XKR4: variants seen among roughly 807,000 people sequenced by gnomAD.
The protein encoded by XKR4 is XK-related protein 4.
In XKR4, 12 loss-of-function variants were observed where a neutral mutation model predicts 53.9. That is an observed-to-expected ratio of 0.22 (90% confidence interval 0.14 to 0.36). XKR4 has a LOEUF of 0.36. Ranked by LOEUF, XKR4 falls within the 10% of genes least tolerant of loss-of-function variation. XKR4 has a pLI of 1.00. For missense variants in XKR4, 799 were observed against 859.5 expected (o/e 0.93, Z 0.88); for synonymous variants, 354 against 362.4 (o/e 0.98, Z 0.26).
chr8:55,230,132 G>A (rs4308711), intron 1 of XKR4, among the ~76,000 whole-genome samples: 119,443 of 152,030 alleles, frequency 0.79, 49,177 homozygotes, highest in Non-Finnish European at 0.92. Context: ...AATTTTCTCA[G>A]ATTACTTCTC....
intron 2 of XKR4, among the ~76,000 whole-genome samples, chr8:55,516,667 G>A (rs1585615551): frequency 6.6e-6 from 1 of 152,366 alleles, no homozygotes; most frequent in East Asian, 1.9e-4. Flanking sequence ...CTTATACACT[G>A]TTGGTGGGAA....
At chr8:55,122,217 T>C (rs938033309) in intron 1 of XKR4, among the ~76,000 whole-genome samples, 1 of 152,240 alleles carries the variant, frequency 6.6e-6, no homozygotes, top group African/African-American at 2.4e-5. Context: ...TCTTGTTTAC[T>C]TTGTACTGTA....
chr8:55,180,838 A>G (rs1817301591), intron 1 of XKR4, among the ~76,000 whole-genome samples: 1 of 152,112 alleles, frequency 6.6e-6, no homozygotes, highest in Non-Finnish European at 1.5e-5. Context: ...TGGCCCCAAA[A>G]TAGGTATTTT....
chr8:55,331,460 A>G (rs992537614), intron 1 of XKR4, among the ~76,000 whole-genome samples: 5 of 152,128 alleles, frequency 3.3e-5, no homozygotes, highest in African/African-American at 1.2e-4. Flanking sequence ...GATGTATTTC[A>G]GTCTAATTGG....
At chr8:55,292,588 A>G (rs1025295045) in intron 1 of XKR4, among the ~76,000 whole-genome samples, 1 of 152,120 alleles carries the variant, frequency 6.6e-6, no homozygotes, top group African/African-American at 2.4e-5. Flanking sequence ...AATCTTTTCA[A>G]AAAACAAGCA....
At chr8:55,338,541 C>A (rs1649195720) in intron 1 of XKR4, among the ~76,000 whole-genome samples, 1 of 152,192 alleles carries the variant, frequency 6.6e-6, no homozygotes, top group South Asian at 2.1e-4. Flanking sequence ...AGGGGTGCCC[C>A]ATCACATGTT....
At chr8:55,215,835 A>G (rs1378506857) in intron 1 of XKR4, among the ~76,000 whole-genome samples, 2 of 152,218 alleles carry the variant, frequency 1.3e-5, no homozygotes, top group Admixed American at 1.3e-4. Flanking sequence ...ATCAACAGCA[A>G]GACAAAAATG....
chr8:55,506,203 C>G (rs1283955595), intron 2 of XKR4, among the ~76,000 whole-genome samples: 2 of 152,232 alleles, frequency 1.3e-5, no homozygotes, highest in Non-Finnish European at 2.9e-5. Flanking sequence ...CAGGTGTTTT[C>G]TCTCAGTCCA....
At chr8:55,246,804 AC>A (rs886265951) in intron 1 of XKR4, among the ~76,000 whole-genome samples, 1 of 151,924 alleles carries the variant, frequency 6.6e-6, no homozygotes, top group Admixed American at 6.6e-5. Context: ...CAATCACTCA[AC>A]CTTTTAGCCA....
intron 2 of XKR4, among the ~76,000 whole-genome samples, chr8:55,462,279 G>A (rs1453677444): frequency 1.3e-5 from 2 of 152,230 alleles, no homozygotes; most frequent in African/African-American, 2.4e-5. Context: ...TGATAGCTTG[G>A]CAGAAACTCT....
At chr8:55,358,750 G>A (rs544590860) in intron 2 of XKR4, among the ~76,000 whole-genome samples, 1 of 152,224 alleles carries the variant, frequency 6.6e-6, no homozygotes, top group Non-Finnish European at 1.5e-5. Flanking sequence ...ATTGTAAGGT[G>A]CTCGTTTTGT....
At chr8:55,218,299 C>T (rs1817832564) in intron 1 of XKR4, among the ~76,000 whole-genome samples, 1 of 152,134 alleles carries the variant, frequency 6.6e-6, no homozygotes, top group Admixed American at 6.5e-5. Flanking sequence ...TGGTTATTAT[C>T]CTTTAAAACC....
intron 1 of XKR4, among the ~76,000 whole-genome samples, chr8:55,234,348 G>A (rs909086890): frequency 2.0e-5 from 3 of 152,026 alleles, no homozygotes; most frequent in Admixed American, 1.3e-4. Context: ...TGGCTACCTC[G>A]AACATATTTT....
At chr8:55,230,996 T>G (rs1818032203) in intron 1 of XKR4, among the ~76,000 whole-genome samples, 2 of 152,168 alleles carry the variant, frequency 1.3e-5, no homozygotes, top group African/African-American at 4.8e-5. Context: ...GGATTTTGCT[T>G]AAGAGGCATG....
chr8:55,228,029 C>T (rs1269244303), intron 1 of XKR4, among the ~76,000 whole-genome samples: 1 of 152,218 alleles, frequency 6.6e-6, no homozygotes, highest in East Asian at 1.9e-4. Context: ...GCCTCAGCCT[C>T]CAGAGAAGCT....
At chr8:55,307,631 G>A (rs927739411) in intron 1 of XKR4, among the ~76,000 whole-genome samples, 2 of 152,086 alleles carry the variant, frequency 1.3e-5, no homozygotes, top group Non-Finnish European at 1.5e-5. Context: ...TCCAGCCTGG[G>A]TGACAATGAG....
chr8:55,413,053 A>T (rs1457760721), intron 2 of XKR4, among the ~76,000 whole-genome samples: 1 of 152,194 alleles, frequency 6.6e-6, no homozygotes, highest in Non-Finnish European at 1.5e-5. Flanking sequence ...AACCAGATTT[A>T]CCCTGAGTAG....
intron 2 of XKR4, among the ~76,000 whole-genome samples, chr8:55,395,279 G>A (rs530360838): frequency 6.6e-6 from 1 of 152,078 alleles, no homozygotes; most frequent in East Asian, 1.9e-4. Context: ...CACATGCTCT[G>A]GGAGCTCAAG....
intron 1 of XKR4, among the ~76,000 whole-genome samples, chr8:55,260,559 GA>G (rs552228842): frequency 4.7e-4 from 72 of 152,068 alleles, no homozygotes; most frequent in African/African-American, 1.7e-3. Context: ...AAAAGAAAAA[GA>G]AAAAAAGAGA....
Sources: gnomAD v4.1 joint callset for allele counts (sites outside exome capture counted in the v4.1 genomes callset) on GRCh38, gnomAD v4.1.1 for gene constraint, MANE v1.5 for transcripts, NCBI Gene and HGNC (gene_info 2026-07-23, HGNC 2026-07-21) for gene names.